LRTM3: variants seen among roughly 807,000 people sequenced by gnomAD.
The protein encoded by LRTM3 is leucine-rich repeat transmembrane protein 3.
At chr13:102,732,914 T>C in the LRTM3 span, 1 of 1,551,468 alleles carries the variant, frequency 6.4e-7, no homozygotes, top group Non-Finnish European at 8.7e-7. Flanking sequence ...TGATTGAAAT[T>C]GAAAAGTCCA....
At chr13:102,731,953 T>C in the LRTM3 span, 2 of 1,551,268 alleles carry the variant, frequency 1.3e-6, no homozygotes, top group Non-Finnish European at 1.7e-6. Flanking sequence ...CATCATGCTC[T>C]GGAACAATCC....
the LRTM3 span, chr13:102,749,251 G>C: frequency 6.4e-7 from 1 of 1,550,662 alleles, no homozygotes; most frequent in South Asian, 1.2e-5. Flanking sequence ...TGCTTTTACT[G>C]TCTGGTGTTT....
chr13:102,745,440 C>A, the LRTM3 span: 1 of 1,550,812 alleles, frequency 6.4e-7, no homozygotes, highest in Non-Finnish European at 8.7e-7. Flanking sequence ...GTTTCATCTA[C>A]CCCCTTTTTG....
chr13:102,750,012 G>C, the LRTM3 span: 40 of 1,550,098 alleles, frequency 2.6e-5, no homozygotes, highest in South Asian at 4.4e-4. Flanking sequence ...GCCACATCTA[G>C]ATCTTCATTT....
At chr13:102,744,718 C>A in the LRTM3 span, 1 of 1,550,676 alleles carries the variant, frequency 6.4e-7, no homozygotes, top group South Asian at 1.2e-5. Flanking sequence ...ATTCTGTTAA[C>A]ATTTTTTGAA....
the LRTM3 span, chr13:102,758,312 A>G: frequency 2.7e-6 from 2 of 739,066 alleles, no homozygotes; most frequent in South Asian, 3.9e-5. Context: ...CAGCTAGGAA[A>G]ACCCTTCTCT....
the LRTM3 span, chr13:102,746,041 A>G: frequency 3.9e-6 from 6 of 1,551,174 alleles, no homozygotes; most frequent in South Asian, 7.1e-5. Context: ...TAGGACCTCC[A>G]AGGACTTTTA....
At chr13:102,756,865 A>G in the LRTM3 span, among the ~76,000 whole-genome samples, 233 of 151,868 alleles carry the variant, frequency 1.5e-3, 1 homozygote, top group African/African-American at 5.3e-3. Context: ...ATTTCCCTTA[A>G]CGCCCCCTAG....
chr13:102,733,655 C>G, the LRTM3 span: 5 of 1,551,304 alleles, frequency 3.2e-6, no homozygotes, highest in Non-Finnish European at 3.5e-6. Context: ...AGCCTTTTTC[C>G]CTGTAAAGAG....
chr13:102,756,227 C>T, the LRTM3 span, among the ~76,000 whole-genome samples: 3 of 150,010 alleles, frequency 2.0e-5, no homozygotes, highest in Non-Finnish European at 4.4e-5. Flanking sequence ...GCTGGGATTA[C>T]AGGCGTGAGC....
the LRTM3 span, chr13:102,738,942 C>G: frequency 1.3e-6 from 2 of 1,550,652 alleles, no homozygotes; most frequent in Non-Finnish European, 1.7e-6. Context: ...CTGTCTTTGT[C>G]TTTCTGCGGC....
At chr13:102,745,417 C>G in the LRTM3 span, 6 of 1,550,754 alleles carry the variant, frequency 3.9e-6, no homozygotes, top group South Asian at 1.2e-5. Context: ...GTGTCATAGT[C>G]AGGAAAGCAT....
the LRTM3 span, chr13:102,759,031 T>C: frequency 2.9e-6 from 2 of 687,782 alleles, no homozygotes. Context: ...CTCATAACCA[T>C]GTGCAACATT....
At chr13:102,745,018 T>TTC in the LRTM3 span, 1 of 1,550,894 alleles carries the variant, frequency 6.4e-7, no homozygotes, top group South Asian at 1.2e-5. Flanking sequence ...TTGAATTTAC[T>TTC]GTACATATTG....
the LRTM3 span, chr13:102,742,958 T>C: frequency 1.5e-4 from 229 of 1,544,398 alleles, 1 homozygote; most frequent in Non-Finnish European, 1.9e-4. Flanking sequence ...TTTGAGACTT[T>C]CTTTTCCATT....
the LRTM3 span, chr13:102,758,612 T>A: frequency 6.5e-7 from 1 of 1,527,014 alleles, no homozygotes; most frequent in Non-Finnish European, 8.8e-7. Flanking sequence ...AGAGGAGTAA[T>A]CGGAGTATCA....
the LRTM3 span, chr13:102,733,993 G>A: frequency 1.3e-6 from 2 of 1,551,308 alleles, no homozygotes; most frequent in Non-Finnish European, 1.7e-6. Flanking sequence ...TGTCTGTTTT[G>A]TTCCCTGAAT....
chr13:102,736,978 T>C, the LRTM3 span: 1 of 1,551,086 alleles, frequency 6.4e-7, no homozygotes, highest in Non-Finnish European at 8.7e-7. Context: ...TACAGTGAGA[T>C]AGAGAAGGTA....
At chr13:102,758,148 G>A in the LRTM3 span, among the ~76,000 whole-genome samples, 1 of 152,178 alleles carries the variant, frequency 6.6e-6, no homozygotes, top group African/African-American at 2.4e-5. Flanking sequence ...GAGTAGGAAA[G>A]CAAGTCACTT....
Sources: allele counts gnomAD v4.1 joint callset (sites outside exome capture counted in the v4.1 genomes callset), GRCh38; gene constraint gnomAD v4.1.1; transcripts MANE v1.5; gene names NCBI Gene and HGNC (gene_info 2026-07-23, HGNC 2026-07-21).